The following FKBP5 variants were observed in gnomAD, a reference collection of about 807,000 sequenced individuals.
The protein encoded by FKBP5 is peptidyl-prolyl cis-trans isomerase FKBP5.
A neutral mutation model predicts 50.5 loss-of-function variants in FKBP5; 23 were observed. The observed-to-expected ratio is 0.46, with a 90% confidence interval of 0.33 to 0.65. The LOEUF (loss-of-function observed/expected upper bound fraction) is 0.65, where lower values mean the gene tolerates loss of function less well. FKBP5 is among the 30% of genes least tolerant of loss of function. FKBP5 has a pLI of 0.02. For synonymous variants in FKBP5, 176 were observed against 190.6 expected (o/e 0.92, Z 0.63); for missense variants, 411 against 553.1 (o/e 0.74, Z 2.58).
At chr6:35,590,969 AGTT>A (rs1177184517) in intron 7 of FKBP5, among the ~76,000 whole-genome samples, 158 bp downstream of exon 7, 2 of 152,070 alleles carry the variant, frequency 1.3e-5, no homozygotes, top group East Asian at 3.8e-4. Context: ...GTGCTATGTC[AGTT>A]GTTCTATTCT....
intron 1 of FKBP5, among the ~76,000 whole-genome samples, chr6:35,675,613 C>T (rs192823075): frequency 1.8e-4 from 27 of 152,268 alleles, no homozygotes; most frequent in Admixed American, 1.5e-3. Context: ...CAGCCTACCA[C>T]AAAACACCTT....
intron 6 of FKBP5, among the ~76,000 whole-genome samples, chr6:35,591,960 TG>T (rs1382345052): frequency 6.6e-6 from 1 of 152,214 alleles, no homozygotes; most frequent in Non-Finnish European, 1.5e-5. Flanking sequence ...CATATACATT[TG>T]TTTTCTTGGG....
At chr6:35,705,717 G>A (rs1188289709) in intron 2 of FKBP5, among the ~76,000 whole-genome samples, 4 of 152,096 alleles carry the variant, frequency 2.6e-5, no homozygotes, top group Non-Finnish European at 5.9e-5. Flanking sequence ...GGGTGAGGAG[G>A]GTGAGGGGAG....
At chr6:35,576,624 G>A (rs1439071384) in intron 10 of FKBP5, among the ~76,000 whole-genome samples, 1 of 147,830 alleles carries the variant, frequency 6.8e-6, no homozygotes, top group African/African-American at 2.5e-5. Flanking sequence ...AGCCATGTTA[G>A]CACGACTGCA....
chr6:35,722,398 G>A (rs1766627516), intron 1 of FKBP5, among the ~76,000 whole-genome samples: 1 of 152,246 alleles, frequency 6.6e-6, no homozygotes, highest in Non-Finnish European at 1.5e-5. Flanking sequence ...GGCTGTGAAT[G>A]TGGGCTAATG....
chr6:35,657,261 G>A lies in FKBP5; in HGVS notation c.-19-14418C>T, dbSNP rs541157494. 5.9e-5 allele frequency among the ~76,000 whole-genome samples: 9 copies of A among 152,280 alleles called. No individual in the cohort carries two copies. In the East Asian group the frequency reaches 1.7e-3, roughly 29 times the overall value. ...AAAAATTAACACAAACTTAGTGGCT[G>A]AAATAATACCAATTTATCATCTTAC... On this transcript the variant is annotated intron_variant, in intron 1 of 10. Transcript: ENST00000357266.
chr6:35,621,384 A>G (rs1390313942), intron 3 of FKBP5, among the ~76,000 whole-genome samples: 3 of 152,104 alleles, frequency 2.0e-5, no homozygotes, highest in Non-Finnish European at 4.4e-5. Context: ...GAACTTTGGG[A>G]GGCCAAGACA....
chr6:35,595,066 T>C (rs1303014472), intron 6 of FKBP5, among the ~76,000 whole-genome samples: 1 of 152,146 alleles, frequency 6.6e-6, no homozygotes, highest in East Asian at 1.9e-4. Context: ...TAGCTCTCCA[T>C]AACTTTATGA....
chr6:35,586,790 G>T, intron 8 of FKBP5: 1 of 1,388,838 alleles, frequency 7.2e-7, no homozygotes, highest in South Asian at 1.7e-5. Flanking sequence ...GCCAGACCTG[G>T]TCTGCCTGTA....
intron 2 of FKBP5, among the ~76,000 whole-genome samples, chr6:35,694,925 G>A (rs961585109): frequency 6.6e-6 from 1 of 152,116 alleles, no homozygotes; most frequent in African/African-American, 2.4e-5. Context: ...ACTCAACTCT[G>A]TCATTATAGC....
At chr6:35,693,155 C>T (rs1313699839), upstream of FKBP5, among the ~76,000 whole-genome samples, 4 of 101,974 alleles carry the variant, frequency 3.9e-5, no homozygotes, top group Non-Finnish European at 6.1e-5. Context: ...TTTTTCTTTT[C>T]TCTCTCTCTT....
At chr6:35,627,643 G>C (rs955919038) in intron 3 of FKBP5, among the ~76,000 whole-genome samples, 2 of 152,100 alleles carry the variant, frequency 1.3e-5, no homozygotes, top group African/African-American at 4.8e-5. Context: ...TTTAATTTAT[G>C]ATGTACAGTA....
chr6:35,613,597 G>C (rs552456932), intron 5 of FKBP5, among the ~76,000 whole-genome samples: 1 of 152,280 alleles, frequency 6.6e-6, no homozygotes, highest in South Asian at 2.1e-4. Context: ...TAAAGACTGA[G>C]AAGATTTCAA....
intron 5 of FKBP5, among the ~76,000 whole-genome samples, chr6:35,613,826 T>C (rs1333907412): frequency 6.6e-6 from 1 of 152,226 alleles, no homozygotes; most frequent in East Asian, 1.9e-4. Context: ...TAATCTAAAA[T>C]TTCCCAGGAA....
chr6:35,708,275 G>T (rs1426009503), intron 2 of FKBP5, among the ~76,000 whole-genome samples: 1 of 152,008 alleles, frequency 6.6e-6, no homozygotes, highest in Non-Finnish European at 1.5e-5. Flanking sequence ...TTTTTCTTGG[G>T]ACAGAGTCTC....
At chr6:35,590,815 G>GA (rs1242360880) in intron 7 of FKBP5, among the ~76,000 whole-genome samples, 4 of 139,980 alleles carry the variant, frequency 2.9e-5, no homozygotes, top group African/African-American at 5.3e-5. Flanking sequence ...CTCAACCCAG[G>GA]AAAAAAAAAG....
intron 2 of FKBP5, among the ~76,000 whole-genome samples, chr6:35,703,965 G>GT (rs1766235969): frequency 6.6e-6 from 1 of 152,168 alleles, no homozygotes; most frequent in African/African-American, 2.4e-5. Context: ...TCTGCAATGT[G>GT]ATTGTAGCCA....
At chr6:35,658,221 A>G (rs1168923517) in intron 1 of FKBP5, among the ~76,000 whole-genome samples, 1 of 152,074 alleles carries the variant, frequency 6.6e-6, no homozygotes, top group Non-Finnish European at 1.5e-5. Context: ...CTAAAAATCC[A>G]AAAATTAACC....
At chr6:35,606,761 G>T (rs1221894898) in intron 5 of FKBP5, among the ~76,000 whole-genome samples, 4 of 149,522 alleles carry the variant, frequency 2.7e-5, no homozygotes, top group African/African-American at 9.9e-5. Context: ...GTGTTGATGA[G>T]AATGGAAATT....
Sources: allele counts gnomAD v4.1 joint callset (sites outside exome capture counted in the v4.1 genomes callset), GRCh38; gene constraint gnomAD v4.1.1; transcripts MANE v1.5; gene names NCBI Gene and HGNC (gene_info 2026-07-23, HGNC 2026-07-21).